SLC27A6: variants seen among roughly 807,000 people sequenced by gnomAD.
SLC27A6 encodes the protein solute carrier family 27 member 6.
A neutral mutation model predicts 63.9 loss-of-function variants in SLC27A6; 74 were observed. The observed-to-expected ratio is 1.16, with a 90% CI of 0.96 to 1.40. SLC27A6 has a LOEUF of 1.40. Among genes scored for constraint, SLC27A6 ranks in the 40% most tolerant of loss-of-function variants. The probability of loss-of-function intolerance (pLI) is 0.00; values close to 1 mark genes in which losing one functional copy is unlikely to be tolerated. For synonymous variants in SLC27A6, 287 were observed against 260.8 expected (o/e 1.10, Z -0.97); for missense variants, 794 against 732.9 (o/e 1.08, Z -0.96).
rs531915619 is a variant in SLC27A6 at position 128,982,535 on chromosome 5, G to T, written c.482-2598G>T. Among the ~76,000 whole-genome samples, 90 of 152,236 alleles carry T rather than the reference G, an allele frequency of 5.9e-4. 1 individual carries two copies. The highest frequency in any genetic ancestry group is 2.1e-3 in the African/African-American group (86 of 41,548). On this transcript the variant is annotated intron_variant, in intron 1 of 9. Coordinates refer to ENST00000262462, the MANE Select transcript of SLC27A6 (RefSeq NM_001017372.3). Reference sequence around the variant, plus strand: ...TATCATTAAGAACATATAAAAGTTTGTGCTGGGAATTTCTTATTCTAGATG... The same window carrying T: ...TATCATTAAGAACATATAAAAGTTTTTGCTGGGAATTTCTTATTCTAGATG...
intron 4 of SLC27A6, among the ~76,000 whole-genome samples, chr5:129,015,329 A>G (rs1043371370): frequency 3.9e-5 from 6 of 152,234 alleles, no homozygotes; most frequent in East Asian, 1.9e-4. Context: ...TATAGTTGCC[A>G]TAATATTTAC....
intron 1 of SLC27A6, among the ~76,000 whole-genome samples, chr5:128,976,914 A>G (rs1750409712): frequency 6.6e-6 from 1 of 152,198 alleles, no homozygotes; most frequent in Non-Finnish European, 1.5e-5. Context: ...TGGTGTATTA[A>G]GAAAGGATGG....
intron 1 of SLC27A6, among the ~76,000 whole-genome samples, chr5:128,969,374 T>C (rs1457121079): frequency 6.6e-6 from 1 of 152,238 alleles, no homozygotes; most frequent in Non-Finnish European, 1.5e-5. Flanking sequence ...ATTTTCATGA[T>C]ATTGATTCTT....
At chr5:129,000,098 A>T (rs1751285194) in intron 4 of SLC27A6, among the ~76,000 whole-genome samples, 1 of 152,152 alleles carries the variant, frequency 6.6e-6, no homozygotes, top group African/African-American at 2.4e-5. Context: ...GGGCATTCTC[A>T]TCAGCTTGCT....
At chr5:128,974,058 C>T (rs1219807159) in intron 1 of SLC27A6, among the ~76,000 whole-genome samples, 1 of 152,188 alleles carries the variant, frequency 6.6e-6, no homozygotes, top group African/African-American at 2.4e-5. Flanking sequence ...AAGAGGGCCA[C>T]AGTGTCCCTG....
intron 1 of SLC27A6, among the ~76,000 whole-genome samples, chr5:128,967,169 C>A (rs1262045269): frequency 7.1e-6 from 1 of 141,412 alleles, no homozygotes; most frequent in Non-Finnish European, 1.6e-5. Context: ...ACTCTAGGAG[C>A]CTTTCTGTTT....
At position 129,027,290 on chromosome 5, in the gene SLC27A6, C is replaced by A; in HGVS notation, c.1413C>A (p.Asp471Glu). 1.9e-6 allele frequency: 3 copies of A among 1,612,984 alleles called. No individual in the cohort carries two copies. The highest frequency in any genetic ancestry group is 2.5e-6 in the Non-Finnish European group (3 of 1,179,222). ...NTGDLIVQDQ[D>E]NFLYFWDRTG... ...GAGACTTAATAGTCCAGGATCAGGACAATTTCCTTTATTTTTGGGACCGTA... is the reference window on the plus strand; with the variant it reads ...GAGACTTAATAGTCCAGGATCAGGAAAATTTCCTTTATTTTTGGGACCGTA... The change falls in exon 7 of 10, where the codon GAC becomes GAA. Residue 471 changes from aspartate (D) to glutamate (E), a missense_variant. Asp to Glu is a conservative substitution (Grantham distance 45). Transcript: ENST00000262462.
At chr5:129,024,636 A>G (rs566046500) in intron 6 of SLC27A6, among the ~76,000 whole-genome samples, 1 of 152,258 alleles carries the variant, frequency 6.6e-6, no homozygotes, top group Admixed American at 6.5e-5. Context: ...AGAAATTTTC[A>G]TGAAAGCAAG....
chr5:128,975,059 G>A (rs1427312608), intron 1 of SLC27A6, among the ~76,000 whole-genome samples: 2 of 152,192 alleles, frequency 1.3e-5, no homozygotes, highest in African/African-American at 4.8e-5. Context: ...TCTTAGAAAT[G>A]TGTTAGACGG....
intron 4 of SLC27A6, among the ~76,000 whole-genome samples, chr5:128,992,632 C>G (rs1751022204): frequency 6.6e-6 from 1 of 152,174 alleles, no homozygotes; most frequent in Non-Finnish European, 1.5e-5. Flanking sequence ...GACCTTGCCT[C>G]AGGTAAGGGA....
intron 4 of SLC27A6, among the ~76,000 whole-genome samples, chr5:128,995,837 A>C (rs1400254469): frequency 2.0e-5 from 3 of 152,144 alleles, no homozygotes; most frequent in Non-Finnish European, 4.4e-5. Flanking sequence ...GATGAAGGAA[A>C]AACTGGAAAA....
intron 1 of SLC27A6, among the ~76,000 whole-genome samples, chr5:128,974,716 T>C (rs1429365392): frequency 6.6e-6 from 1 of 152,192 alleles, no homozygotes; most frequent in African/African-American, 2.4e-5. Flanking sequence ...CAGACCCAAA[T>C]TCCATGTATG....
chr5:129,021,040 A>T (rs1283573896), intron 5 of SLC27A6, among the ~76,000 whole-genome samples: 1 of 151,584 alleles, frequency 6.6e-6, no homozygotes, highest in Non-Finnish European at 1.5e-5. Flanking sequence ...TGGTTGTGTA[A>T]TTCGGGTTGA....
At chr5:128,994,065 G>C (rs1401760142) in intron 4 of SLC27A6, among the ~76,000 whole-genome samples, 1 of 152,152 alleles carries the variant, frequency 6.6e-6, no homozygotes, top group Non-Finnish European at 1.5e-5. Context: ...CTACTCGGGA[G>C]GCTGAGGCAG....
chr5:128,975,708 C>A (rs1750352912), intron 1 of SLC27A6, among the ~76,000 whole-genome samples: 1 of 152,130 alleles, frequency 6.6e-6, no homozygotes, highest in African/African-American at 2.4e-5. Context: ...AGGATTTGAG[C>A]CCATGTTTAC....
intron 4 of SLC27A6, among the ~76,000 whole-genome samples, chr5:129,014,266 A>G (rs1751819300): frequency 6.6e-6 from 1 of 152,180 alleles, no homozygotes; most frequent in Non-Finnish European, 1.5e-5. Flanking sequence ...CGGGACACAT[A>G]GACCAGCGTA....
chr5:129,016,147 C>T, intron 5 of SLC27A6, 68 bp downstream of exon 5: 1 of 1,126,050 alleles, frequency 8.9e-7, no homozygotes, highest in Non-Finnish European at 1.3e-6. Flanking sequence ...AATCCCAACA[C>T]TTTGGGACGC....
At chr5:128,989,941 G>A (rs1191322253) in intron 3 of SLC27A6, among the ~76,000 whole-genome samples, 25 of 132,314 alleles carry the variant, frequency 1.9e-4, no homozygotes, top group East Asian at 3.7e-4. Context: ...AAAAAAAAAA[G>A]ATATGTTGAG....
intron 6 of SLC27A6, among the ~76,000 whole-genome samples, chr5:129,026,247 A>G (rs914418808): frequency 1.3e-5 from 2 of 152,288 alleles, no homozygotes; most frequent in East Asian, 3.9e-4. Flanking sequence ...CAAGTGGACA[A>G]TAGCCTTGAA....
Sources: gnomAD v4.1 joint callset for allele counts (sites outside exome capture counted in the v4.1 genomes callset) on GRCh38, gnomAD v4.1.1 for gene constraint, MANE v1.5 for transcripts, NCBI Gene and HGNC (gene_info 2026-07-23, HGNC 2026-07-21) for gene names.